Variants in XYLT1 observed in about 807,000 individuals in gnomAD.
XYLT1 encodes xylosyltransferase 1.
A neutral mutation model predicts 91.3 loss-of-function variants in XYLT1; 36 were observed. That is an observed-to-expected ratio of 0.39 (90% confidence interval 0.30 to 0.52). The LOEUF (loss-of-function observed/expected upper bound fraction) is 0.52. XYLT1 is among the 20% of genes least tolerant of loss of function. The probability of loss-of-function intolerance (pLI) is 0.68; values close to 1 mark genes in which losing one functional copy is unlikely to be tolerated. For missense variants in XYLT1, 1,242 were observed against 1,284.5 expected (o/e 0.97, Z 0.51); for synonymous variants, 588 against 532.0 (o/e 1.11, Z -1.45).
chr16:17,376,713 G>A (rs1343052921), intron 1 of XYLT1, among the ~76,000 whole-genome samples: 1 of 151,204 alleles, frequency 6.6e-6, no homozygotes, highest in Non-Finnish European at 1.5e-5. Flanking sequence ...TGTAATCCCA[G>A]CTACTTAGAA....
intron 2 of XYLT1, among the ~76,000 whole-genome samples, chr16:17,337,834 G>A (rs559420303): frequency 1.0e-4 from 15 of 146,192 alleles, no homozygotes; most frequent in South Asian, 4.3e-4. Flanking sequence ...AGGCTGGAGC[G>A]CAGTGACGCC....
At chr16:17,127,518 C>G (rs573760915) in intron 10 of XYLT1, 148 bp downstream of exon 10, 2 of 964,848 alleles carry the variant, frequency 2.1e-6, no homozygotes, top group Admixed American at 5.1e-5. Context: ...GGCCGGAGAA[C>G]CTTCTTCGGG....
chr16:17,402,098 A>G (rs2035976068), intron 1 of XYLT1, among the ~76,000 whole-genome samples: 1 of 151,772 alleles, frequency 6.6e-6, no homozygotes, highest in East Asian at 1.9e-4. Context: ...CAGGAGTTGG[A>G]GACCAGCCTG....
intron 2 of XYLT1, among the ~76,000 whole-genome samples, chr16:17,297,590 G>A (rs920243137): frequency 2.6e-5 from 4 of 151,726 alleles, no homozygotes; most frequent in Non-Finnish European, 5.9e-5. Flanking sequence ...TGGTATGGGG[G>A]CCCATGCCTA....
At chr16:17,135,665 A>G (rs1463799269) in intron 8 of XYLT1, among the ~76,000 whole-genome samples, 1 of 152,102 alleles carries the variant, frequency 6.6e-6, no homozygotes, top group Non-Finnish European at 1.5e-5. Flanking sequence ...ATGGTAAGGG[A>G]CTTAGCTGAG....
Position 17,170,528 on chromosome 16 carries a change from A to G in XYLT1, c.1290-11619T>C, listed in dbSNP as rs77984054. Among the ~76,000 whole-genome samples, 464 of 152,202 alleles carry G rather than the reference A, an allele frequency of 3.0e-3. 22 individuals carry two copies. The East Asian group carries it at 0.078, about 26-fold the overall frequency. On this transcript the variant is annotated intron_variant, in intron 5 of 11. Transcript: ENST00000261381. ...GAGGGCTTTTGTCCATACCATCCCT[A>G]ATGCCAGAAACATCCTTCCTACACC...
intron 3 of XYLT1, among the ~76,000 whole-genome samples, chr16:17,203,592 C>T (rs1339531759): frequency 6.6e-6 from 1 of 152,158 alleles, no homozygotes; most frequent in Non-Finnish European, 1.5e-5. Context: ...ATCCATCCCT[C>T]CACCCATCCA....
intron 3 of XYLT1, among the ~76,000 whole-genome samples, chr16:17,242,371 A>G (rs1452086169): frequency 6.6e-6 from 1 of 152,204 alleles, no homozygotes; most frequent in Non-Finnish European, 1.5e-5. Context: ...CTAGCCTTTT[A>G]CAGAAAGTTT....
At chr16:17,418,690 A>C (rs1330533056) in intron 1 of XYLT1, among the ~76,000 whole-genome samples, 1 of 152,138 alleles carries the variant, frequency 6.6e-6, no homozygotes, top group East Asian at 1.9e-4. Flanking sequence ...TCTACAAAAA[A>C]TACAAAAATA....
intron 3 of XYLT1, among the ~76,000 whole-genome samples, chr16:17,213,033 T>C (rs572629384): frequency 2.0e-5 from 3 of 152,356 alleles, no homozygotes; most frequent in South Asian, 2.1e-4. Context: ...TTTGGATCTG[T>C]GTCCCCAACC....
intron 8 of XYLT1, chr16:17,137,370 G>GGGTTA (rs1220812139): frequency 2.6e-5 from 4 of 152,416 alleles, no homozygotes; most frequent in African/African-American, 9.6e-5. Flanking sequence ...CACCTTGGCT[G>GGGTTA]GGTTATGAGC....
intron 2 of XYLT1, among the ~76,000 whole-genome samples, chr16:17,329,810 C>T (rs1396805075): frequency 4.6e-5 from 7 of 152,184 alleles, no homozygotes; most frequent in Non-Finnish European, 8.8e-5. Context: ...AGGCTTGGAT[C>T]CCACCTTGGT....
chr16:17,434,698 AT>A (rs1295602117), intron 1 of XYLT1, among the ~76,000 whole-genome samples: 3 of 152,124 alleles, frequency 2.0e-5, no homozygotes, highest in East Asian at 3.9e-4. Flanking sequence ...TTCTACAAAA[AT>A]AATACTGATA....
rs141073419 is a variant in XYLT1 at position 17,264,857 on chromosome 16, G to A, written c.403-5359C>T. Among the ~76,000 whole-genome samples, 297 of 152,216 alleles carry A rather than the reference G, an allele frequency of 2.0e-3. 4 individuals are homozygous for A. Among genetic ancestry groups the A allele is most frequent in the African/African-American group, 6.8e-3 (283 of 41,526 alleles). Reference sequence around the variant, plus strand: ...TCTCAGTTTCCTCATTTAAAACATTGGGATGATAACACCTTGGTATCCATG... The same window carrying A: ...TCTCAGTTTCCTCATTTAAAACATTAGGATGATAACACCTTGGTATCCATG... On this transcript the variant is annotated intron_variant, in intron 2 of 11. Coordinates refer to ENST00000261381, the MANE Select transcript of XYLT1 (RefSeq NM_022166.4).
intron 2 of XYLT1, among the ~76,000 whole-genome samples, chr16:17,266,379 C>T (rs777736599): frequency 1.8e-4 from 27 of 152,168 alleles, no homozygotes; most frequent in African/African-American, 2.9e-4. Flanking sequence ...TCTTAGGTTC[C>T]GTTCCAAGCC....
At chr16:17,364,244 C>T (rs2035419801) in intron 1 of XYLT1, among the ~76,000 whole-genome samples, 1 of 152,172 alleles carries the variant, frequency 6.6e-6, no homozygotes, top group Admixed American at 6.5e-5. Context: ...TAGGATTATA[C>T]TTGCCAACAG....
At chr16:17,138,248 TTGGGCACCATG>T (rs2030831565) in intron 8 of XYLT1, 96 bp downstream of exon 8, 1 of 1,343,692 alleles carries the variant, frequency 7.4e-7, no homozygotes, top group African/African-American at 1.4e-5. Context: ...ACAGCCAGGT[TTGGGCACCATG>T]TGATAAGATG....
intron 5 of XYLT1, among the ~76,000 whole-genome samples, chr16:17,180,185 C>T (rs995660378): frequency 4.6e-5 from 7 of 152,200 alleles, no homozygotes; most frequent in African/African-American, 1.7e-4. Context: ...CAAAGCAGTG[C>T]CCCCTTGGTA....
intron 1 of XYLT1, among the ~76,000 whole-genome samples, chr16:17,422,113 G>A (rs921254631): frequency 1.3e-5 from 2 of 151,984 alleles, no homozygotes; most frequent in South Asian, 2.1e-4. Context: ...CTCCCGAGTA[G>A]CTGGGACTAC....
Sources: allele counts gnomAD v4.1 joint callset (sites outside exome capture counted in the v4.1 genomes callset), GRCh38; gene constraint gnomAD v4.1.1; transcripts MANE v1.5; gene names NCBI Gene and HGNC (gene_info 2026-07-23, HGNC 2026-07-21).